Variants in BRIP1 observed in about 807,000 individuals in gnomAD.
BRIP1 encodes BRCA1 interacting DNA helicase 1, also known as Fanconi anemia group J protein.
A neutral mutation model predicts 119.7 loss-of-function variants in BRIP1; 88 were observed. That is an observed-to-expected ratio of 0.74 (90% CI 0.62 to 0.88). The LOEUF is 0.88. Among genes scored for constraint, BRIP1 ranks in the 40% least tolerant of loss-of-function variants. BRIP1 has a pLI of 0.00. For synonymous variants in BRIP1, 443 were observed against 496.5 expected, an observed-to-expected ratio of 0.89 and a Z score of 1.43; for missense variants, 1,259 against 1,455.4, an observed-to-expected ratio of 0.87 and a Z score of 2.20.
rs1304275081 is a variant in BRIP1, at chr17:61,827,450, T to A, written c.628-18693A>T. ...AAATTAAATTTAAAAAAAATGGGGC[T>A]GGGAGTGGTGGCTTACACCTGTAAT... On this transcript the variant is annotated intron_variant, in intron 6 of 19. Coordinates refer to ENST00000259008, the MANE Select transcript of BRIP1 (RefSeq NM_032043.3). This position sits in a 1 kb window ranked among gnomAD's most constrained non-coding sequence, Gnocchi z 5.8. Among the ~76,000 whole-genome samples, 1 of 152,076 alleles carries A rather than the reference T, an allele frequency of 6.6e-6. No individual in the cohort carries two copies. The highest frequency in any genetic ancestry group is 2.4e-5 in the African/African-American group (1 of 41,432).
chr17:61,789,268 TAAA>T lies in BRIP1; in HGVS notation c.1473+4326_1473+4328del, dbSNP rs2077779653. Among the ~76,000 whole-genome samples the T allele has an allele frequency of 6.7e-6, 1 of 148,648 alleles. No homozygotes were observed. The highest frequency in any genetic ancestry group is 1.5e-5 in the Non-Finnish European group (1 of 67,282). On this transcript the variant is annotated intron_variant, in intron 10 of 19. Transcript: ENST00000259008. The surrounding 1 kb of genome is among the most constrained non-coding windows in gnomAD (Gnocchi z 4.8). Reference sequence around the variant, plus strand: ...GGCAACACAGCAAGACTCTGTCTCTTAAAAACAAAAAAAAAAAGTTAAAAAATA... The same window carrying T: ...GGCAACACAGCAAGACTCTGTCTCTTAACAAAAAAAAAAAGTTAAAAAATA...
intron 11 of BRIP1, among the ~76,000 whole-genome samples, chr17:61,781,843 C>T (rs2145108061): frequency 6.6e-6 from 1 of 151,248 alleles, no homozygotes; most frequent in South Asian, 2.1e-4. Flanking sequence ...ATCACTTGAA[C>T]CCGGGAGGTG....
At position 61,806,789 on chromosome 17, in the gene BRIP1, C is replaced by T. The variant is rs1193489106; in HGVS notation, c.918+1678G>A. Reference sequence around the variant, plus strand: ...CTTGGCTCACTGCAACCTCTGCCTCCTGGGTTCAAGCGATTCTCATGCCTC... The same window carrying T: ...CTTGGCTCACTGCAACCTCTGCCTCTTGGGTTCAAGCGATTCTCATGCCTC... On this transcript the variant is annotated intron_variant, in intron 7 of 19. Transcript: ENST00000259008. This position sits in a 1 kb window ranked among gnomAD's most constrained non-coding sequence, Gnocchi z 4.9. Among the ~76,000 whole-genome samples the T allele has an allele frequency of 6.6e-6, 1 of 152,198 alleles. No homozygotes were observed. Among genetic ancestry groups the T allele is most frequent in the Non-Finnish European group, 1.5e-5 (1 of 68,036 alleles).
chr17:61,795,937 T>A lies in BRIP1; in HGVS notation c.1341-2208A>T, dbSNP rs139016254. On this transcript the variant is annotated intron_variant, in intron 9 of 19. Coordinates refer to ENST00000259008, the MANE Select transcript of BRIP1 (RefSeq NM_032043.3). This position sits in a 1 kb window ranked among gnomAD's most constrained non-coding sequence, Gnocchi z 5.6. ...CATTTGTTATTGCCTGTCTTTTGCA[T>A]AAAAGTCATTTTAACTGGGGTGAGG... 1.2e-3 allele frequency among the ~76,000 whole-genome samples: 187 copies of A among 152,280 alleles called. No homozygotes were observed. Among genetic ancestry groups the A allele is most frequent in the Middle Eastern group, 0.01 (3 of 294 alleles).
In BRIP1 at chr17:61,862,196, T is replaced by C. The variant is rs1340494241; in HGVS notation, c.-30-627A>G. On this transcript the variant is annotated intron_variant, in intron 1 of 19. Transcript: ENST00000259008. The surrounding 1 kb of genome is among the most constrained non-coding windows in gnomAD (Gnocchi z 5.3). The stretch of plus-strand genomic sequence containing the variant: ...ATCTTTTTACTTCTCTAGTCTAAGA[T>C]CCTTACCTGTGATAACCCCTAATTT... 6.5e-6 allele frequency: 1 copy of C among 153,050 alleles called. No homozygotes were observed. Among genetic ancestry groups the C allele is most frequent in the Non-Finnish European group, 1.5e-5 (1 of 68,696 alleles). The allele number at this position is 153,050 out of a possible 1,614,324, so 9.5% of individuals were successfully genotyped here.
rs552110756 is a variant in BRIP1 at position 61,726,205 on chromosome 17, C to T, written c.2380-10142G>A. On this transcript the variant is annotated intron_variant, in intron 16 of 19. Transcript: ENST00000259008. The surrounding 1 kb of genome is among the most constrained non-coding windows in gnomAD (Gnocchi z 6.2). Reference sequence around the variant, plus strand: ...CAATTTCTTCGTCTGTAAGAAGGGGCTTAGAATTAGAAGTCTCTTAGCTTT... The same window carrying T: ...CAATTTCTTCGTCTGTAAGAAGGGGTTTAGAATTAGAAGTCTCTTAGCTTT... Among the ~76,000 whole-genome samples, 9 of 152,240 alleles carry T rather than the reference C, an allele frequency of 5.9e-5. No individual in the cohort carries two copies. In the South Asian group the frequency reaches 1.4e-3, roughly 25 times the overall value.
rs2061599899 is a variant in BRIP1, at chr17:61,700,641, A to C, written c.2493-7129T>G. ...TCTAGATAGGAATCTCCCTGAGTTC[A>C]TCCTACTTGGAGTTCGCTTATCTTC... On this transcript the variant is annotated intron_variant, in intron 17 of 19. Coordinates refer to ENST00000259008, the MANE Select transcript of BRIP1 (RefSeq NM_032043.3). The surrounding 1 kb of genome is among the most constrained non-coding windows in gnomAD (Gnocchi z 4.1). 6.6e-6 allele frequency among the ~76,000 whole-genome samples: 1 copy of C among 152,138 alleles called. No homozygotes were observed. Among genetic ancestry groups the C allele is most frequent in the South Asian group, 2.1e-4 (1 of 4,822 alleles).
In BRIP1 at chr17:61,726,072, A is replaced by G. The variant is rs150284440; in HGVS notation, c.2380-10009T>C. On this transcript the variant is annotated intron_variant, in intron 16 of 19. Coordinates refer to ENST00000259008, the MANE Select transcript of BRIP1 (RefSeq NM_032043.3). The surrounding 1 kb of genome is among the most constrained non-coding windows in gnomAD (Gnocchi z 6.2). ...CGTGTTATAGTTTATTTTGAGGAAG[A>G]AGGTATAATGGAAAAAAAGAAAAAG... 1.3e-5 allele frequency among the ~76,000 whole-genome samples: 2 copies of G among 152,364 alleles called. No individual in the cohort carries two copies. Among genetic ancestry groups the G allele is most frequent in the East Asian group, 3.9e-4 (2 of 5,190 alleles).
chr17:61,692,894 A>T (rs1368462330), intron 18 of BRIP1, among the ~76,000 whole-genome samples: 2 of 152,228 alleles, frequency 1.3e-5, no homozygotes, highest in Non-Finnish European at 2.9e-5. Context: ...TGAAATCAGC[A>T]TCTTGAAGAG....
rs574997953 is a variant in BRIP1 at position 61,806,847 on chromosome 17, G to A, written c.918+1620C>T. Among the ~76,000 whole-genome samples, 23 of 152,152 alleles carry A rather than the reference G, an allele frequency of 1.5e-4. No homozygotes were observed. The highest frequency in any genetic ancestry group is 2.6e-4 in the Non-Finnish European group (18 of 67,988). Reference sequence around the variant, plus strand: ...CAAGTAGCTGGGATTACAAGCATGCGCCACCACGCCCAGCTAATTTTTTGT... The same window carrying A: ...CAAGTAGCTGGGATTACAAGCATGCACCACCACGCCCAGCTAATTTTTTGT... On this transcript the variant is annotated intron_variant, in intron 7 of 19. Coordinates refer to ENST00000259008, the MANE Select transcript of BRIP1 (RefSeq NM_032043.3). This position sits in a 1 kb window ranked among gnomAD's most constrained non-coding sequence, Gnocchi z 4.9.
intron 14 of BRIP1, among the ~76,000 whole-genome samples, chr17:61,765,408 TATATATATATATA>T (rs1441386265): frequency 1.9e-3 from 32 of 17,228 alleles, no homozygotes; most frequent in Non-Finnish European, 2.7e-3. Context: ...TATATATATA[TATATATATATATA>T]TATTTTTTTT....
rs902187481 is a variant in BRIP1, at chr17:61,679,633, T to A, written c.*3663A>T. On this transcript the variant is annotated 3_prime_UTR_variant, in exon 20 of 20. Coordinates refer to ENST00000259008, the MANE Select transcript of BRIP1 (RefSeq NM_032043.3). The surrounding 1 kb of genome is among the most constrained non-coding windows in gnomAD (Gnocchi z 4.4). ...TCTTTCCTCAAATCTTTATTGTCAG[T>A]CTATCACCTATATATCTATAGTTAG... Among the ~76,000 whole-genome samples, 1 of 152,198 alleles carries A rather than the reference T, an allele frequency of 6.6e-6. No homozygotes were observed. Among genetic ancestry groups the A allele is most frequent in the African/African-American group, 2.4e-5 (1 of 41,464 alleles).
chr17:61,835,871 G>A (rs1042408405), intron 6 of BRIP1, among the ~76,000 whole-genome samples: 18 of 151,950 alleles, frequency 1.2e-4, no homozygotes, highest in African/African-American at 4.4e-4. Context: ...ATACATGCAT[G>A]AAAATAAATC....
intron 10 of BRIP1, 108 bp from the exon 11 acceptor site, chr17:61,784,532 T>A: frequency 4.0e-6 from 4 of 999,052 alleles, no homozygotes; most frequent in Non-Finnish European, 6.2e-6. Context: ...AAATTTTAGG[T>A]GAACAGAATT....
At position 61,851,744 on chromosome 17, in the gene BRIP1, C is replaced by T. The variant is rs1192193126; in HGVS notation, c.380-2488G>A. 6.6e-6 allele frequency among the ~76,000 whole-genome samples: 1 copy of T among 152,108 alleles called. No individual in the cohort carries two copies. The highest frequency in any genetic ancestry group is 1.9e-4 in the East Asian group (1 of 5,194). Reference sequence around the variant, plus strand: ...CAAAAGCATCCTGGCTATCCTTAGTCCTTTGCATTTCCATATATATTTTAG... The same window carrying T: ...CAAAAGCATCCTGGCTATCCTTAGTTCTTTGCATTTCCATATATATTTTAG... On this transcript the variant is annotated intron_variant, in intron 4 of 19. Coordinates refer to ENST00000259008, the MANE Select transcript of BRIP1 (RefSeq NM_032043.3). This position sits in a 1 kb window ranked among gnomAD's most constrained non-coding sequence, Gnocchi z 4.6.
intron 4 of BRIP1, among the ~76,000 whole-genome samples, chr17:61,850,292 G>A (rs1023574621): frequency 2.4e-4 from 36 of 151,652 alleles, no homozygotes; most frequent in African/African-American, 7.5e-4. Flanking sequence ...AATAGAGACG[G>A]GGTTTCTCCA....
intron 6 of BRIP1, among the ~76,000 whole-genome samples, chr17:61,838,781 A>T (rs8067415): frequency 0.44 from 66,659 of 150,986 alleles, 14,812 homozygotes; most frequent in South Asian, 0.54. Context: ...AAAAAATATA[A>T]AAAAAAGTGA....
intron 16 of BRIP1, among the ~76,000 whole-genome samples, chr17:61,731,646 A>C (rs1603299578): frequency 6.6e-6 from 1 of 152,180 alleles, no homozygotes; most frequent in African/African-American, 2.4e-5. Context: ...GTACACATTC[A>C]TAACTCCTAG....
chr17:61,788,248 A>G (rs1397183552), intron 10 of BRIP1, among the ~76,000 whole-genome samples: 1 of 152,096 alleles, frequency 6.6e-6, no homozygotes, highest in African/African-American at 2.4e-5. Context: ...GGAAACAGAA[A>G]CTTTAAGCTA....
Sources: gnomAD v4.1 joint callset for allele counts (sites outside exome capture counted in the v4.1 genomes callset) on GRCh38, gnomAD v4.1.1 for gene constraint, Gnocchi (gnomAD v3.1) non-coding constraint, MANE v1.5 for transcripts, NCBI Gene and HGNC (gene_info 2026-07-23, HGNC 2026-07-21) for gene names.